Variants in MARCHF1 observed in about 807,000 individuals in gnomAD.
MARCHF1 encodes E3 ubiquitin-protein ligase MARCHF1.
MARCHF1 carries 40 observed loss-of-function variants against 54.2 expected under a neutral mutation model. That is an observed-to-expected ratio of 0.74 (90% CI 0.57 to 0.96). MARCHF1 has a LOEUF of 0.96. Ranked by LOEUF, MARCHF1 falls within the 40% of genes least tolerant of loss-of-function variation. MARCHF1 has a pLI of 0.00. For missense variants in MARCHF1, 586 were observed against 656.5 expected (o/e 0.89, Z 1.17); for synonymous variants, 236 against 236.3 (o/e 1.00, Z 0.01).
At chr4:163,856,002 T>C (rs1749759737) in intron 3 of MARCHF1, among the ~76,000 whole-genome samples, 1 of 152,212 alleles carries the variant, frequency 6.6e-6, no homozygotes, top group Admixed American at 6.5e-5. Flanking sequence ...TTAAAGTCCA[T>C]GAACCACTGG....
At chr4:163,575,064 G>A (rs931592123) in intron 8 of MARCHF1, among the ~76,000 whole-genome samples, 5 of 151,980 alleles carry the variant, frequency 3.3e-5, no homozygotes, top group Non-Finnish European at 7.4e-5. Flanking sequence ...GTACTATGTT[G>A]AATAGGAGCG....
chr4:163,913,816 T>C (rs1751248016), intron 3 of MARCHF1, among the ~76,000 whole-genome samples: 1 of 152,174 alleles, frequency 6.6e-6, no homozygotes, highest in Non-Finnish European at 1.5e-5. Flanking sequence ...CATCACAGTC[T>C]GCACACACAA....
At chr4:163,619,900 G>A (rs922944018) in intron 5 of MARCHF1, among the ~76,000 whole-genome samples, 1 of 152,010 alleles carries the variant, frequency 6.6e-6, no homozygotes, top group Non-Finnish European at 1.5e-5. Context: ...AGATAAATAT[G>A]ATGATCTAAA....
chr4:163,881,887 T>C (rs1265597026), intron 3 of MARCHF1, among the ~76,000 whole-genome samples: 1 of 152,202 alleles, frequency 6.6e-6, no homozygotes, highest in East Asian at 1.9e-4. Context: ...CTAATGTTTC[T>C]CAACTGTCAT....
chr4:164,031,348 A>G (rs1363833003), intron 2 of MARCHF1, among the ~76,000 whole-genome samples: 1 of 151,424 alleles, frequency 6.6e-6, no homozygotes, highest in Non-Finnish European at 1.5e-5. Flanking sequence ...CCCCTTTATC[A>G]TTTCTTATTG....
In MARCHF1 at chr4:164,165,476, G is replaced by A. The variant is rs140921242; in HGVS notation, c.-322-53814C>T. Among the ~76,000 whole-genome samples the A allele has an allele frequency of 4.9e-3, 743 of 151,918 alleles. 4 individuals carry two copies. Among genetic ancestry groups the A allele is most frequent in the Admixed American group, 6.9e-3 (105 of 15,208 alleles). On this transcript the variant is annotated intron_variant, in intron 1 of 9. Coordinates refer to ENST00000514618, the MANE Select transcript of MARCHF1 (RefSeq NM_001394959.1). The stretch of plus-strand genomic sequence containing the variant: ...AGAGAGCCCTCAACACAACCAAGCC[G>A]TGCTGGCACCTTGATCTCACAATTC...
At chr4:164,076,517 A>G (rs978925996) in intron 2 of MARCHF1, among the ~76,000 whole-genome samples, 1 of 152,156 alleles carries the variant, frequency 6.6e-6, no homozygotes, top group Non-Finnish European at 1.5e-5. Context: ...CCTATTCAAC[A>G]TAGTGTTGGA....
chr4:163,528,796 A>G lies in MARCHF1; in HGVS notation c.1590T>C (p.Asn530=). The change falls in exon 10 of 10, where the codon AAT becomes AAC. Residue 530 remains asparagine, a synonymous_variant. Transcript: ENST00000514618. ...GGCCACCCTCTGCAGATGGCAGTGA[A>G]TTTGCACCTGTTTGTGGTACAGGCA... ...VVVPVPQTGA[N]SLPSAEGGPP... 6.2e-7 allele frequency: 1 copy of G among 1,613,246 alleles called. No homozygotes were observed. The highest frequency in any genetic ancestry group is 1.7e-5 in the Admixed American group (1 of 59,900).
chr4:164,213,861 A>T (rs1197786742), intron 1 of MARCHF1, among the ~76,000 whole-genome samples: 1 of 151,966 alleles, frequency 6.6e-6, no homozygotes, highest in African/African-American at 2.4e-5. Flanking sequence ...ACTTCAGGCA[A>T]AATGTAAATA....
At chr4:164,036,334 G>A (rs1265197951) in intron 2 of MARCHF1, among the ~76,000 whole-genome samples, 2 of 151,986 alleles carry the variant, frequency 1.3e-5, no homozygotes, top group Non-Finnish European at 2.9e-5. Context: ...TACTACAATT[G>A]GAGATAGAGA....
At chr4:164,264,737 T>A (rs1327124074) in intron 1 of MARCHF1, among the ~76,000 whole-genome samples, 1 of 151,898 alleles carries the variant, frequency 6.6e-6, no homozygotes, top group South Asian at 2.1e-4. Context: ...CTGGCCAACA[T>A]GGTGAAACCC....
chr4:163,824,494 A>G (rs1048525789), intron 4 of MARCHF1, among the ~76,000 whole-genome samples: 1 of 138,946 alleles, frequency 7.2e-6, no homozygotes, highest in Non-Finnish European at 1.6e-5. Context: ...TCAATTCAAG[A>G]TGGATTAAAG....
intron 9 of MARCHF1, among the ~76,000 whole-genome samples, chr4:163,532,705 C>A (rs776370971): frequency 6.6e-6 from 1 of 151,786 alleles, no homozygotes; most frequent in African/African-American, 2.4e-5. Context: ...AACCTAATTA[C>A]AAAATGAGCA....
chr4:163,576,646 C>T (rs1330168073), intron 8 of MARCHF1, among the ~76,000 whole-genome samples: 1 of 152,038 alleles, frequency 6.6e-6, no homozygotes, highest in Non-Finnish European at 1.5e-5. Context: ...GTGTTGCCCA[C>T]TGACATAGGC....
At chr4:163,762,702 T>A (rs1746862603) in intron 4 of MARCHF1, among the ~76,000 whole-genome samples, 1 of 152,134 alleles carries the variant, frequency 6.6e-6, no homozygotes, top group South Asian at 2.1e-4. Context: ...AAAATTTACA[T>A]AATGTATCTA....
At chr4:163,906,684 T>C (rs1471773714) in intron 3 of MARCHF1, among the ~76,000 whole-genome samples, 2 of 151,808 alleles carry the variant, frequency 1.3e-5, no homozygotes, top group Admixed American at 1.3e-4. Flanking sequence ...AATTTTTAAA[T>C]TGACTACTCT....
At chr4:163,613,646 C>T (rs1349735282) in intron 5 of MARCHF1, 2 of 1,409,684 alleles carry the variant, frequency 1.4e-6, no homozygotes, top group Non-Finnish European at 9.2e-7. Context: ...GATGATTCCA[C>T]AAGTTTCTAT....
At chr4:163,826,719 A>C (rs546005516) in intron 4 of MARCHF1, among the ~76,000 whole-genome samples, 3 of 152,196 alleles carry the variant, frequency 2.0e-5, no homozygotes, top group Admixed American at 1.3e-4. Context: ...CAAGTGTTGA[A>C]GTACAGAATA....
chr4:163,741,452 A>G (rs1746193494), intron 4 of MARCHF1, among the ~76,000 whole-genome samples: 1 of 151,964 alleles, frequency 6.6e-6, no homozygotes, highest in Non-Finnish European at 1.5e-5. Flanking sequence ...GCGTGGTGGC[A>G]CATGCCTGTA....
Sources: gnomAD v4.1 joint callset for allele counts (sites outside exome capture counted in the v4.1 genomes callset) on GRCh38, gnomAD v4.1.1 for gene constraint, MANE v1.5 for transcripts, NCBI Gene and HGNC (gene_info 2026-07-23, HGNC 2026-07-21) for gene names.